The following EFCAB5 variants were observed in gnomAD, a reference collection of about 807,000 sequenced individuals.
EFCAB5 encodes EF-hand calcium binding domain 5, also known as EF-hand calcium-binding domain-containing protein 5.
A neutral mutation model predicts 167.9 loss-of-function variants in EFCAB5; 131 were observed. The observed-to-expected ratio is 0.78, with a 90% CI of 0.68 to 0.90. EFCAB5 has a LOEUF of 0.90. Among genes scored for constraint, EFCAB5 ranks in the 40% least tolerant of loss-of-function variants. The pLI, the probability that EFCAB5 is intolerant of heterozygous loss-of-function variation, is 0.00. For synonymous variants in EFCAB5, 574 were observed against 602.8 expected, an observed-to-expected ratio of 0.95 and a Z score of 0.70; for missense variants, 1,663 against 1,745.2, an observed-to-expected ratio of 0.95 and a Z score of 0.84.
intron 22 of EFCAB5, among the ~76,000 whole-genome samples, chr17:30,096,678 T>A (rs2071295805): frequency 9.8e-5 from 4 of 40,774 alleles, no homozygotes; most frequent in Non-Finnish European, 4.2e-5. Context: ...TATATATATA[T>A]TTTTTTTTTT....
intron 7 of EFCAB5, among the ~76,000 whole-genome samples, chr17:30,021,305 CA>C (rs2069172854): frequency 6.8e-6 from 1 of 147,834 alleles, no homozygotes; most frequent in South Asian, 2.1e-4. Context: ...TCCTTTGTGT[CA>C]TTTTTTATAT....
Position 29,982,229 on chromosome 17 carries a change from C to T in EFCAB5, c.768-10936C>T, listed in dbSNP as rs954489938. Among the ~76,000 whole-genome samples, 8 of 152,044 alleles carry T rather than the reference C, an allele frequency of 5.3e-5. No homozygotes were observed. The South Asian group carries it at 6.2e-4, about 12-fold the overall frequency. ...CGGATGGATCACAAGGTCAGGAGAT[C>T]GACGCCATCCTGGCTAACATAGTGA... On this transcript the variant is annotated intron_variant, in intron 4 of 22. Coordinates refer to ENST00000394835, the MANE Select transcript of EFCAB5 (RefSeq NM_198529.4).
At chr17:30,095,514 G>C (rs2071276001) in intron 22 of EFCAB5, among the ~76,000 whole-genome samples, 1 of 152,164 alleles carries the variant, frequency 6.6e-6, no homozygotes, top group Non-Finnish European at 1.5e-5. Context: ...TTCCCTGGGA[G>C]ATCCTTCCCT....
At position 30,080,755 on chromosome 17, in the gene EFCAB5, TTACAG is replaced by T; in HGVS notation, c.3203_3207del (p.Thr1068SerfsTer3). 6.3e-7 allele frequency: 1 copy of T among 1,596,506 alleles called. No individual in the cohort carries two copies. The highest frequency in any genetic ancestry group is 8.5e-7 in the Non-Finnish European group (1 of 1,170,554). The stretch of plus-strand genomic sequence containing the variant: ...ATCCTCATACTCTTTTTCCTCAGCT[TTACAG>T]TAGTGGATGAAGGGAAGCCAATCCA... On this transcript the variant is annotated frameshift_variant, in exon 17 of 23. Coordinates refer to ENST00000394835, the MANE Select transcript of EFCAB5 (RefSeq NM_198529.4). LOFTEE classifies it high-confidence loss of function.
At chr17:29,985,787 A>G (rs2068269252) in intron 4 of EFCAB5, among the ~76,000 whole-genome samples, 1 of 152,174 alleles carries the variant, frequency 6.6e-6, no homozygotes, top group Non-Finnish European at 1.5e-5. Context: ...AACCTTCAGC[A>G]TGGGGATCAT....
At chr17:29,937,849 A>T (rs1054751527), upstream of EFCAB5, among the ~76,000 whole-genome samples, 5 of 152,196 alleles carry the variant, frequency 3.3e-5, no homozygotes, top group Non-Finnish European at 7.3e-5. Context: ...CTGAAGTGGT[A>T]TTTTGGATCC....
Position 29,943,612 on chromosome 17 carries a change from T to C in EFCAB5, c.153T>C (p.Ser51=), listed in dbSNP as rs371885874. The C allele has an allele frequency of 4.4e-5, 70 of 1,585,712 alleles. No homozygotes were observed. Among genetic ancestry groups the C allele is most frequent in the African/African-American group, 6.7e-5 (5 of 74,310 alleles). ...PDVPVKEDTN[S]VVEKAMDEIK... The stretch of plus-strand genomic sequence containing the variant: ...TTCCTGTAAAAGAGGACACCAACAG[T>C]GTGGTGGAGAAAGCAATGGATGAAA... Residue 51 remains serine (S), a synonymous_variant, in exon 3 of 23, where the codon AGT becomes AGC. Coordinates refer to ENST00000394835, the MANE Select transcript of EFCAB5 (RefSeq NM_198529.4).
At chr17:30,008,371 C>T (rs1472163077) in intron 7 of EFCAB5, among the ~76,000 whole-genome samples, 2 of 152,124 alleles carry the variant, frequency 1.3e-5, no homozygotes, top group African/African-American at 4.8e-5. Context: ...GGCAGGCAGA[C>T]CGTTGGAGGT....
chr17:29,993,329 A>G lies in EFCAB5; in HGVS notation c.924+8A>G. 1 of 1,608,838 alleles carries G rather than the reference A, an allele frequency of 6.2e-7. No homozygotes were observed. Among genetic ancestry groups the G allele is most frequent in the East Asian group, 2.2e-5 (1 of 44,736 alleles). On this transcript the variant is annotated splice_region_variant and intron_variant, in intron 5 of 22. Transcript: ENST00000394835. Reference sequence around the variant, plus strand: ...ATGATTCCTAAGTCAGTGGTAAGAAAATTGGGGGTATATGTGAAAGGTAGG... The same window carrying G: ...ATGATTCCTAAGTCAGTGGTAAGAAGATTGGGGGTATATGTGAAAGGTAGG...
At chr17:30,026,519 A>G (rs989308822) in intron 7 of EFCAB5, among the ~76,000 whole-genome samples, 1 of 152,320 alleles carries the variant, frequency 6.6e-6, no homozygotes, top group Non-Finnish European at 1.5e-5. Context: ...CTATAAAAGT[A>G]TATTTGTTTT....
intron 3 of EFCAB5, among the ~76,000 whole-genome samples, chr17:29,964,898 T>A (rs2151567731): frequency 6.6e-6 from 1 of 152,004 alleles, no homozygotes; most frequent in East Asian, 1.9e-4. Flanking sequence ...GTTACTTATT[T>A]GACTTTTTTT....
At chr17:29,985,224 CTT>C (rs1316315995) in intron 4 of EFCAB5, among the ~76,000 whole-genome samples, 1 of 152,182 alleles carries the variant, frequency 6.6e-6, no homozygotes, top group Non-Finnish European at 1.5e-5. Context: ...AAGGGTAACT[CTT>C]ATGCTCAGCA....
chr17:30,009,762 T>C (rs1270360721), intron 7 of EFCAB5, among the ~76,000 whole-genome samples: 1 of 152,152 alleles, frequency 6.6e-6, no homozygotes, highest in African/African-American at 2.4e-5. Flanking sequence ...TGTTGGGTCA[T>C]GTGATAACTT....
In EFCAB5 at chr17:29,958,984, C is replaced by T. The variant is rs2067669863; in HGVS notation, c.191-9807C>T. Among the ~76,000 whole-genome samples, 5 of 152,292 alleles carry T rather than the reference C, an allele frequency of 3.3e-5. No individual in the cohort carries two copies. The South Asian group carries it at 1.0e-3, about 32-fold the overall frequency. ...GTTCTCTTCCCTTACATCTCCCCAA[C>T]CCCCTGCCAAAATGGAGTCTGTCTC... On this transcript the variant is annotated intron_variant, in intron 3 of 22. Coordinates refer to ENST00000394835, the MANE Select transcript of EFCAB5 (RefSeq NM_198529.4).
intron 22 of EFCAB5, among the ~76,000 whole-genome samples, chr17:30,096,677 A>ATATATATATATATATTTT (rs1193558323): frequency 3.3e-5 from 2 of 60,120 alleles, no homozygotes; most frequent in African/African-American, 1.7e-4. Flanking sequence ...ATATATATAT[A>ATATATATATATATATTTT]TTTTTTTTTT....
chr17:30,076,110 G>A (rs895679002), intron 14 of EFCAB5, among the ~76,000 whole-genome samples: 3 of 152,028 alleles, frequency 2.0e-5, no homozygotes, highest in African/African-American at 7.2e-5. Context: ...CATTAGGACA[G>A]CTGTCTGGTT....
chr17:29,941,882 A>G, intron 1 of EFCAB5, 44 bp downstream of exon 1: 1 of 1,551,214 alleles, frequency 6.4e-7, no homozygotes, highest in African/African-American at 1.4e-5. Flanking sequence ...GGAAGATTTG[A>G]GATTCAACAT....
In EFCAB5 at chr17:30,053,702, T is replaced by C. The variant is rs768297384; in HGVS notation, c.1748T>C (p.Ile583Thr). 9 of 1,613,808 alleles carry C rather than the reference T, an allele frequency of 5.6e-6. No homozygotes were observed. The Admixed American group carries it at 1.3e-4, about 24-fold the overall frequency. Residue 583 changes from isoleucine (I) to threonine (T), a missense_variant, in exon 10 of 23, where the codon ATA becomes ACA. Transcript: ENST00000394835. ...TTEQGQHKGS[I>T]EGQGPRRVSV... ...GAACAAGGACAGCACAAAGGGTCAA[T>C]AGAAGGACAAGGACCACGCAGAGTG... is the stretch of plus-strand genomic sequence containing the variant.
intron 9 of EFCAB5, among the ~76,000 whole-genome samples, chr17:30,052,364 G>T (rs2070126644): frequency 6.6e-6 from 1 of 151,852 alleles, no homozygotes; most frequent in African/African-American, 2.4e-5. Context: ...ACGGGGTTTT[G>T]CCATGTTGGG....
Sources: allele counts gnomAD v4.1 joint callset (sites outside exome capture counted in the v4.1 genomes callset), GRCh38; gene constraint gnomAD v4.1.1; transcripts MANE v1.5; gene names NCBI Gene and HGNC (gene_info 2026-07-23, HGNC 2026-07-21).